Variants in ASPSCR1 observed in about 807,000 individuals in gnomAD.
The protein encoded by ASPSCR1 is tether containing UBX domain for GLUT4.
A neutral mutation model predicts 68.9 loss-of-function variants in ASPSCR1; 55 were observed. That is an observed-to-expected ratio of 0.80 (90% confidence interval 0.64 to 1.00). ASPSCR1 has a LOEUF of 1.00. ASPSCR1 is among the 50% of genes least tolerant of loss of function. ASPSCR1 has a pLI of 0.00. For synonymous variants in ASPSCR1, 352 were observed against 332.6 expected (o/e 1.06, Z -0.63); for missense variants, 765 against 762.2 (o/e 1.00, Z -0.04).
At chr17:81,988,050 CA>C (rs1168069799) in intron 4 of ASPSCR1, among the ~76,000 whole-genome samples, 4 of 149,496 alleles carry the variant, frequency 2.7e-5, no homozygotes, top group African/African-American at 9.9e-5. Flanking sequence ...CCCAGCTACT[CA>C]GGAGGCTGAG....
At chr17:82,013,915 C>T (rs571593492) in intron 12 of ASPSCR1, 2 of 152,412 alleles carry the variant, frequency 1.3e-5, no homozygotes, top group South Asian at 2.1e-4. Flanking sequence ...CGGTCCGCGT[C>T]CTCAGGTCAT....
intron 1 of ASPSCR1, chr17:81,978,005 C>G (rs1378426055): frequency 3.8e-6 from 1 of 261,348 alleles, no homozygotes; most frequent in Non-Finnish European, 7.2e-6. Context: ...CCGCGTGTCA[C>G]CCGCATCGAG....
At chr17:81,980,422 G>A (rs1334471425) in intron 2 of ASPSCR1, among the ~76,000 whole-genome samples, 1 of 152,250 alleles carries the variant, frequency 6.6e-6, no homozygotes, top group Non-Finnish European at 1.5e-5. Context: ...AGTCATTCCA[G>A]TCTTCTACCT....
chr17:81,996,670 G>T lies in ASPSCR1; in HGVS notation c.757G>T (p.Gly253Trp). ...VPFSGGGQRL[G>W]GPPGPTRPLT... ...TTTCTCGGGTGGGGGACAGAGACTG[G>T]GGGGCCCTCCTGGGCCCACGAGGCC... Residue 253 changes from glycine (G) to tryptophan (W), a missense_variant, in exon 7 of 16, where the codon GGG becomes TGG. Physicochemically the swap from Gly to Trp is radical, Grantham distance 184. Transcript: ENST00000306739. The T allele has an allele frequency of 6.2e-7, 1 of 1,613,048 alleles. No individual in the cohort carries two copies. Among genetic ancestry groups the T allele is most frequent in the Non-Finnish European group, 8.5e-7 (1 of 1,179,748 alleles).
intron 7 of ASPSCR1, among the ~76,000 whole-genome samples, chr17:82,001,437 C>G (rs949895310): frequency 6.6e-6 from 1 of 152,186 alleles, no homozygotes; most frequent in African/African-American, 2.4e-5. Context: ...CTGAGGCTGT[C>G]CCTAGGGGCA....
chr17:82,010,305 G>A (rs527889588), intron 9 of ASPSCR1, among the ~76,000 whole-genome samples: 11 of 151,104 alleles, frequency 7.3e-5, no homozygotes, highest in South Asian at 6.3e-4. Flanking sequence ...CAAGGTGGGC[G>A]GATCATGAGG....
In ASPSCR1 at chr17:81,979,148, A is replaced by C. The variant is rs748463491; in HGVS notation, c.103-36A>C. The C allele has an allele frequency of 1.9e-6, 3 of 1,611,834 alleles. No homozygotes were observed. In the African/African-American group the frequency reaches 4.0e-5, roughly 22 times the overall value. On this transcript the variant is annotated intron_variant, in intron 1 of 15. Transcript: ENST00000306739. ...CCCACTGCGCCCGCCAGCCCTGCACACTCAGCAGTTCACCATCCTTTCATC... is the reference window on the plus strand; with the variant it reads ...CCCACTGCGCCCGCCAGCCCTGCACCCTCAGCAGTTCACCATCCTTTCATC...
intron 2 of ASPSCR1, among the ~76,000 whole-genome samples, chr17:81,980,090 C>T (rs901852484): frequency 6.6e-6 from 1 of 152,232 alleles, no homozygotes; most frequent in Non-Finnish European, 1.5e-5. Context: ...TCAAGTGATT[C>T]TCCTGCCTCA....
At chr17:81,991,666 G>A (rs2042172220) in intron 4 of ASPSCR1, among the ~76,000 whole-genome samples, 1 of 152,246 alleles carries the variant, frequency 6.6e-6, no homozygotes, top group Non-Finnish European at 1.5e-5. Flanking sequence ...GCCGGAGCCT[G>A]CCCCAGGCTC....
chr17:82,014,983 G>A, intron 12 of ASPSCR1: 3 of 1,387,098 alleles, frequency 2.2e-6, no homozygotes, highest in Non-Finnish European at 1.9e-6. Flanking sequence ...AGTGCTGGTG[G>A]GGAGAGGCCC....
At chr17:81,995,001 C>T (rs761871880) in intron 5 of ASPSCR1, 123 bp downstream of exon 5, 6 of 1,098,906 alleles carry the variant, frequency 5.5e-6, no homozygotes, top group Middle Eastern at 2.2e-4. Flanking sequence ...CTTGAAAGCA[C>T]GACGTGTTTC....
chr17:82,016,312 G>A (rs2043123929), intron 12 of ASPSCR1, 164 bp from the exon 13 acceptor site: 10 of 645,494 alleles, frequency 1.5e-5, no homozygotes, highest in South Asian at 3.9e-5. Context: ...TACAGGGGTA[G>A]GGCTGGTGTC....
In ASPSCR1 at chr17:81,987,068, G is replaced by T. The variant is rs2042016773; in HGVS notation, c.374+1461G>T. The stretch of plus-strand genomic sequence containing the variant: ...CAGGGGTGAGCGGGACCCGAGGCAG[G>T]AGATGACGGAGCCTAAGAGCAAAGC... On this transcript the variant is annotated intron_variant, in intron 4 of 15. Transcript: ENST00000306739. This position sits in a 1 kb window ranked among gnomAD's most constrained non-coding sequence, Gnocchi z 5.6. 6.6e-6 allele frequency among the ~76,000 whole-genome samples: 1 copy of T among 151,896 alleles called. No individual in the cohort carries two copies. Among genetic ancestry groups the T allele is most frequent in the Non-Finnish European group, 1.5e-5 (1 of 67,994 alleles).
chr17:81,996,086 G>T (rs1169332641), intron 6 of ASPSCR1, 21 bp downstream of exon 6: 12 of 1,581,494 alleles, frequency 7.6e-6, no homozygotes, highest in Non-Finnish European at 1.0e-5. Flanking sequence ...TGCTGCTGGG[G>T]CCGAGGAGTC....
Position 81,986,829 on chromosome 17 carries a change from T to C in ASPSCR1, c.374+1222T>C, listed in dbSNP as rs2042007759. Among the ~76,000 whole-genome samples, 1 of 151,714 alleles carries C rather than the reference T, an allele frequency of 6.6e-6. No individual in the cohort carries two copies. The highest frequency in any genetic ancestry group is 2.1e-4 in the South Asian group (1 of 4,806). On this transcript the variant is annotated intron_variant, in intron 4 of 15. Coordinates refer to ENST00000306739, the MANE Select transcript of ASPSCR1 (RefSeq NM_024083.4). This position sits in a 1 kb window ranked among gnomAD's most constrained non-coding sequence, Gnocchi z 5.2. Reference sequence around the variant, plus strand: ...CTCCCGTCTGACAGTAGTGCCGCGCTGCATGGCACGGGTGTTGCGTTCGTG... The same window carrying C: ...CTCCCGTCTGACAGTAGTGCCGCGCCGCATGGCACGGGTGTTGCGTTCGTG...
Position 82,017,022 on chromosome 17 carries a change from G to A in ASPSCR1, c.1557G>A (p.Glu519=), listed in dbSNP as rs1461417572. Residue 519 remains glutamate (E), a synonymous_variant, in exon 15 of 16, where the codon GAG becomes GAA. Transcript: ENST00000306739. Reference sequence around the variant, plus strand: ...CTAAGTCTGAGCCAGCTGCTGAGGAGGGGGCGCTGGTCCCCCCTGAGCCCA... The same window carrying A: ...CTAAGTCTGAGCCAGCTGCTGAGGAAGGGGCGCTGGTCCCCCCTGAGCCCA... The part of the protein sequence containing the change: ...PAPKSEPAAE[E]GALVPPEPIP... 6.2e-7 allele frequency: 1 copy of A among 1,612,482 alleles called. No homozygotes were observed. The highest frequency in any genetic ancestry group is 1.7e-5 in the Admixed American group (1 of 60,012).
At chr17:81,994,726 C>A in intron 4 of ASPSCR1, 95 bp from the exon 5 acceptor site, 1 of 1,331,140 alleles carries the variant, frequency 7.5e-7, no homozygotes, top group Non-Finnish European at 1.1e-6. Context: ...GTGAGGGCCC[C>A]ACACCTTTGC....
chr17:82,016,629 G>A, intron 13 of ASPSCR1, 102 bp downstream of exon 13: 1 of 1,492,070 alleles, frequency 6.7e-7, no homozygotes, highest in Non-Finnish European at 9.1e-7. Context: ...GCCTCCTTTG[G>A]GTCTGAGAGG....
chr17:81,991,932 G>A (rs1229827425), intron 4 of ASPSCR1, among the ~76,000 whole-genome samples: 1 of 152,272 alleles, frequency 6.6e-6, no homozygotes, highest in Non-Finnish European at 1.5e-5. Flanking sequence ...GCCGGAGCGG[G>A]GCCCCAGCGG....
Sources: allele counts gnomAD v4.1 joint callset (sites outside exome capture counted in the v4.1 genomes callset), GRCh38; gene constraint gnomAD v4.1.1; non-coding constraint Gnocchi (gnomAD v3.1); transcripts MANE v1.5; gene names NCBI Gene and HGNC (gene_info 2026-07-23, HGNC 2026-07-21).